The following SPAM1 variants were observed in gnomAD, a reference collection of about 807,000 sequenced individuals.
SPAM1 encodes the protein sperm adhesion molecule 1, also known as hyaluronidase PH-20.
Under a neutral mutation model 29.6 loss-of-function variants are expected in SPAM1, and 22 were observed. The observed-to-expected ratio is 0.74, with a 90% CI of 0.53 to 1.06. The LOEUF (loss-of-function observed/expected upper bound fraction) is 1.06. Ranked by LOEUF, SPAM1 falls within the 50% of genes least tolerant of loss-of-function variation. SPAM1 has a pLI of 0.00. For missense variants in SPAM1, 534 were observed against 604.0 expected (o/e 0.88, Z 1.21); for synonymous variants, 194 against 204.6 (o/e 0.95, Z 0.44).
chr7:123,963,146 T>C (rs1380226662), downstream of SPAM1, among the ~76,000 whole-genome samples: 1 of 151,914 alleles, frequency 6.6e-6, no homozygotes, highest in African/African-American at 2.4e-5. Flanking sequence ...ATATACATTT[T>C]AATTTAGATA....
intron 1 of SPAM1, chr7:123,925,678 G>A (rs1807855903): frequency 6.6e-6 from 1 of 150,804 alleles, no homozygotes; most frequent in Non-Finnish European, 1.5e-5. Context: ...GGCGGTTTTA[G>A]TGAGCCGAGA....
chr7:123,952,862 A>G (rs1792145521), intron 2 of SPAM1, among the ~76,000 whole-genome samples: 1 of 150,036 alleles, frequency 6.7e-6, no homozygotes, highest in African/African-American at 2.5e-5. Flanking sequence ...TTGATTTACT[A>G]CTTCTGGCAG....
At chr7:123,943,102 G>T (rs1289947231) in intron 1 of SPAM1, among the ~76,000 whole-genome samples, 2 of 152,112 alleles carry the variant, frequency 1.3e-5, no homozygotes, top group Non-Finnish European at 2.9e-5. Context: ...TCTTACCTCT[G>T]ATAAACAAAG....
intron 1 of SPAM1, among the ~76,000 whole-genome samples, chr7:123,935,692 C>T (rs1212049955): frequency 6.6e-6 from 1 of 152,164 alleles, no homozygotes; most frequent in Non-Finnish European, 1.5e-5. Context: ...CCAAGTGTGT[C>T]AGCCTCCAAA....
downstream of SPAM1, among the ~76,000 whole-genome samples, chr7:123,962,229 T>C (rs1475584757): frequency 6.6e-6 from 1 of 151,996 alleles, no homozygotes; most frequent in Non-Finnish European, 1.5e-5. Flanking sequence ...GGGTGAAGGA[T>C]ATCTTATTGT....
In SPAM1 at chr7:123,954,539, G is replaced by T. The variant is rs1259362226; in HGVS notation, c.954+15G>T. ...TCCTTTCTCAAGTAAGTAAATCAGG[G>T]TATGAGGGCTAGGAAATGAAATTCA... On this transcript the variant is annotated intron_variant, in intron 3 of 4. Coordinates refer to ENST00000682466, the MANE Select transcript of SPAM1 (RefSeq NM_153189.3). 6.7e-7 allele frequency: 1 copy of T among 1,491,988 alleles called. No individual in the cohort carries two copies. Among genetic ancestry groups the T allele is most frequent in the Admixed American group, 1.9e-5 (1 of 52,972 alleles). The allele number at this position is 1,491,988 out of a possible 1,614,324, so 92.4% of individuals were successfully genotyped here.
intron 1 of SPAM1, among the ~76,000 whole-genome samples, chr7:123,932,844 G>A (rs900514781): frequency 1.3e-5 from 2 of 152,052 alleles, no homozygotes; most frequent in Non-Finnish European, 2.9e-5. Context: ...TAACTTTGCT[G>A]GGTGCTCCCA....
intron 1 of SPAM1, chr7:123,932,058 A>T (rs530279990): frequency 6.6e-6 from 1 of 152,344 alleles, no homozygotes; most frequent in Non-Finnish European, 1.5e-5. Flanking sequence ...GAAAACAATG[A>T]CCATCTCTGG....
chr7:123,959,920 T>G lies in SPAM1; in HGVS notation c.1481T>G (p.Phe494Cys). The change falls in exon 5 of 5, where the codon TTC becomes TGC. Residue 494 changes from phenylalanine to cysteine, a missense_variant. Transcript: ENST00000682466. Reference protein sequence around the residue: ...ASPSTLSATMFIVSILFLIIS... With the variant: ...ASPSTLSATMCIVSILFLIIS... ...CCCTCCACACTATCTGCCACAATGT[T>G]CATTGTTAGTATTTTGTTTCTTATC... 6.2e-7 allele frequency: 1 copy of G among 1,611,560 alleles called. No homozygotes were observed. Among genetic ancestry groups the G allele is most frequent in the South Asian group, 1.1e-5 (1 of 90,632 alleles).
intron 5 of SPAM1, among the ~76,000 whole-genome samples, chr7:123,968,297 C>A (rs561381629): frequency 1.3e-5 from 2 of 152,014 alleles, no homozygotes; most frequent in African/African-American, 2.4e-5. Context: ...GGGGTGGTAA[C>A]GTCTGAGCTA....
chr7:123,954,464 T>A lies in SPAM1; in HGVS notation c.894T>A (p.Leu298=). The A allele has an allele frequency of 6.2e-7, 1 of 1,613,156 alleles. No individual in the cohort carries two copies. Among genetic ancestry groups the A allele is most frequent in the Non-Finnish European group, 8.5e-7 (1 of 1,179,528 alleles). The change falls in exon 3 of 5, where the codon CTT becomes CTA. Residue 298 remains leucine, a synonymous_variant. Transcript: ENST00000682466. ...VSKIPDAKSP[L]PVFAYTRIVF... ...AAATACCTGATGCAAAAAGTCCACT[T>A]CCGGTTTTTGCATATACCCGCATAG...
At position 123,954,541 on chromosome 7, in the gene SPAM1, A is replaced by T. The variant is rs1476277768; in HGVS notation, c.954+17A>T. 1 of 1,490,842 alleles carries T rather than the reference A, an allele frequency of 6.7e-7. No homozygotes were observed. Among genetic ancestry groups the T allele is most frequent in the Middle Eastern group, 1.8e-4 (1 of 5,680 alleles). The allele number at this position is 1,490,842 out of a possible 1,614,324, so 92.4% of individuals were successfully genotyped here. On this transcript the variant is annotated intron_variant, in intron 3 of 4. Coordinates refer to ENST00000682466, the MANE Select transcript of SPAM1 (RefSeq NM_153189.3). ...CTTTCTCAAGTAAGTAAATCAGGGT[A>T]TGAGGGCTAGGAAATGAAATTCACA...
chr7:123,939,317 C>T (rs948287352), intron 1 of SPAM1, among the ~76,000 whole-genome samples: 3 of 152,138 alleles, frequency 2.0e-5, no homozygotes, highest in East Asian at 3.9e-4. Flanking sequence ...CAACTCCTGA[C>T]CTCGTGATCT....
chr7:123,936,010 A>G (rs993897996), intron 1 of SPAM1, among the ~76,000 whole-genome samples: 1 of 152,204 alleles, frequency 6.6e-6, no homozygotes, highest in African/African-American at 2.4e-5. Flanking sequence ...TGCTAGGTAT[A>G]GGCTTACTTA....
At position 123,942,685 on chromosome 7, in the gene SPAM1, C is replaced by T. The variant is rs558064438; in HGVS notation, c.-318-7187C>T. ...TCCTCACCTCAAGGTCCCAAGGAAC[C>T]TTGGGGCTCCTGGGACTGTCAGAAA... On this transcript the variant is annotated intron_variant, in intron 1 of 4. Coordinates refer to ENST00000682466, the MANE Select transcript of SPAM1 (RefSeq NM_153189.3). Among the ~76,000 whole-genome samples the T allele has an allele frequency of 2.9e-4, 44 of 152,226 alleles. No homozygotes were observed. The South Asian group carries it at 8.9e-3, about 31-fold the overall frequency.
Position 123,959,523 on chromosome 7 carries a change from C to G in SPAM1, c.1084C>G (p.Leu362Val). ...CCTAGACAATTACATGGAGACTATA[C>G]TGAATCCTTACATAATCAACGTCAC... ...LLLDNYMETILNPYIINVTLA... is the reference protein window; with the variant it reads ...LLLDNYMETIVNPYIINVTLA... Residue 362 changes from leucine to valine, a missense_variant, in exon 5 of 5, where the codon CTG becomes GTG. Leu to Val is a conservative substitution (Grantham distance 32, BLOSUM62 1). Coordinates refer to ENST00000682466, the MANE Select transcript of SPAM1 (RefSeq NM_153189.3). 1 of 1,612,536 alleles carries G rather than the reference C, an allele frequency of 6.2e-7. No homozygotes were observed. The highest frequency in any genetic ancestry group is 8.5e-7 in the Non-Finnish European group (1 of 1,179,208).
At chr7:123,952,730 T>C (rs1190345855) in intron 2 of SPAM1, among the ~76,000 whole-genome samples, 1 of 151,982 alleles carries the variant, frequency 6.6e-6, no homozygotes, top group African/African-American at 2.4e-5. Flanking sequence ...AGTAGTAAAA[T>C]GTTTTATTAA....
chr7:123,925,476 C>A (rs1312461794), intron 1 of SPAM1, 124 bp downstream of exon 1: 1 of 151,998 alleles, frequency 6.6e-6, no homozygotes, highest in Non-Finnish European at 1.5e-5. Context: ...TCCACTTGAC[C>A]TGATGATTGA....
At chr7:123,926,420 AGACCTGTCTCT>A (rs1315738173) in intron 1 of SPAM1, among the ~76,000 whole-genome samples, 2 of 152,202 alleles carry the variant, frequency 1.3e-5, no homozygotes, top group Non-Finnish European at 2.9e-5. Context: ...AAATTGATTG[AGACCTGTCTCT>A]GATACTTTTT....
Sources: allele counts gnomAD v4.1 joint callset (sites outside exome capture counted in the v4.1 genomes callset), GRCh38; gene constraint gnomAD v4.1.1; transcripts MANE v1.5; gene names NCBI Gene and HGNC (gene_info 2026-07-23, HGNC 2026-07-21).